ANTXR1: variants seen among roughly 807,000 people sequenced by gnomAD.
ANTXR1 encodes ANTXR cell adhesion molecule 1.
A neutral mutation model predicts 78.1 loss-of-function variants in ANTXR1; 19 were observed. The observed-to-expected ratio is 0.24, with a 90% CI of 0.17 to 0.36. The LOEUF (loss-of-function observed/expected upper bound fraction) is 0.36, where lower values mean the gene tolerates loss of function less well. Among genes scored for constraint, ANTXR1 ranks in the 10% least tolerant of loss-of-function variants. The pLI is 1.00. For synonymous variants in ANTXR1, 273 were observed against 260.5 expected, an observed-to-expected ratio of 1.05 and a Z score of -0.46; for missense variants, 518 against 718.6, an observed-to-expected ratio of 0.72 and a Z score of 3.19.
chr2:69,121,994 T>C (rs562608822), intron 10 of ANTXR1, among the ~76,000 whole-genome samples: 1 of 152,324 alleles, frequency 6.6e-6, no homozygotes, highest in South Asian at 2.1e-4. Context: ...TGATTCACCT[T>C]CTACAGCTAC....
intron 10 of ANTXR1, chr2:69,103,614 T>C: frequency 6.4e-6 from 1 of 157,142 alleles, no homozygotes; most frequent in South Asian, 2.0e-4. Context: ...ACAAGACATT[T>C]GTAGCAGTCA....
intron 17 of ANTXR1, among the ~76,000 whole-genome samples, chr2:69,211,766 A>G (rs2104499071): frequency 6.6e-6 from 1 of 152,330 alleles, no homozygotes; most frequent in East Asian, 1.9e-4. Context: ...TGCGGGACTG[A>G]CTAAGAAGGG....
intron 17 of ANTXR1, among the ~76,000 whole-genome samples, chr2:69,232,485 G>A (rs1675644673): frequency 6.8e-6 from 1 of 147,754 alleles, no homozygotes. Context: ...GCGACAGACC[G>A]AGAGCTTGTC....
chr2:69,208,480 G>C (rs1009578815), intron 17 of ANTXR1, among the ~76,000 whole-genome samples: 1 of 152,080 alleles, frequency 6.6e-6, no homozygotes, highest in African/African-American at 2.4e-5. Flanking sequence ...AAAAAGAATA[G>C]GAAATATTTC....
chr2:69,091,272 T>C (rs569502299), intron 9 of ANTXR1, among the ~76,000 whole-genome samples: 6 of 151,950 alleles, frequency 3.9e-5, no homozygotes, highest in African/African-American at 1.2e-4. Context: ...AAACCCCATC[T>C]CTACTAAAAA....
Position 69,246,606 on chromosome 2 carries a change from T to C in ANTXR1, c.*1121T>C, listed in dbSNP as rs1676027870. 3 of 152,194 alleles carry C rather than the reference T, an allele frequency of 2.0e-5. No homozygotes were observed. The allele number at this position is 152,194 out of a possible 1,614,324, so 9.4% of individuals were successfully genotyped here. ...TAAGGCATGTGTGTGTATACAAATA[T>C]ACTTCTCTTTGGCTTTTCGACATAG... is the stretch of plus-strand genomic sequence containing the variant. On this transcript the variant is annotated 3_prime_UTR_variant, in exon 18 of 18. Coordinates refer to ENST00000303714, the MANE Select transcript of ANTXR1 (RefSeq NM_032208.3).
At chr2:69,145,128 T>G (rs954772576) in intron 12 of ANTXR1, among the ~76,000 whole-genome samples, 1 of 151,992 alleles carries the variant, frequency 6.6e-6, no homozygotes, top group Non-Finnish European at 1.5e-5. Context: ...AAGCCCAGAG[T>G]TAAATAGATT....
At chr2:69,209,882 G>A (rs58985561) in intron 17 of ANTXR1, among the ~76,000 whole-genome samples, 15 of 152,196 alleles carry the variant, frequency 9.9e-5, no homozygotes, top group Non-Finnish European at 1.9e-4. Flanking sequence ...GGCTTAGCAG[G>A]GGGGAGACAA....
chr2:69,078,435 G>T (rs1573849765), intron 8 of ANTXR1, among the ~76,000 whole-genome samples: 1 of 152,136 alleles, frequency 6.6e-6, no homozygotes, highest in Non-Finnish European at 1.5e-5. Context: ...CTTGATCCAG[G>T]GGTTACCGGC....
chr2:69,019,599 TTAAAA>T (rs910769384), intron 1 of ANTXR1, among the ~76,000 whole-genome samples: 29 of 151,380 alleles, frequency 1.9e-4, no homozygotes, highest in Admixed American at 2.6e-4. Context: ...ACCCCTGAAC[TTAAAA>T]TAAAAGATGT....
rs1674297932 is a variant in ANTXR1 at position 69,182,418 on chromosome 2, C to A, written c.1186-75C>A. ...GGTAGCATTCACATTGCAACTCATG[C>A]ATGTATTTGTCATTCTCATTCTCGA... On this transcript the variant is annotated intron_variant, in intron 15 of 17. Transcript: ENST00000303714. The A allele has an allele frequency of 3.3e-6, 5 of 1,532,824 alleles. No homozygotes were observed. In the East Asian group the frequency reaches 9.3e-5, roughly 29 times the overall value. The allele number at this position is 1,532,824 out of a possible 1,614,324, so 95.0% of individuals were successfully genotyped here. A position where few individuals can be genotyped will look rare whatever the true frequency, so the allele number is the denominator to read the frequency against.
In ANTXR1 at chr2:69,122,694, A is replaced by G. The variant is rs1250369574; in HGVS notation, c.803-323A>G. Reference sequence around the variant, plus strand: ...TGTGCCATATTGGTGTGCTGCACCCATTAACTCGTCATTTACATTAGGTAT... The same window carrying G: ...TGTGCCATATTGGTGTGCTGCACCCGTTAACTCGTCATTTACATTAGGTAT... On this transcript the variant is annotated intron_variant, in intron 10 of 17. Coordinates refer to ENST00000303714, the MANE Select transcript of ANTXR1 (RefSeq NM_032208.3). Among the ~76,000 whole-genome samples the G allele has an allele frequency of 2.6e-5, 4 of 152,244 alleles. No homozygotes were observed. In the South Asian group the frequency reaches 8.3e-4, roughly 32 times the overall value.
chr2:69,139,826 C>T (rs1410358607), intron 12 of ANTXR1, among the ~76,000 whole-genome samples: 1 of 152,234 alleles, frequency 6.6e-6, no homozygotes, highest in South Asian at 2.1e-4. Context: ...GCTACATTAA[C>T]GGTAAGTAAA....
At chr2:69,105,144 C>T (rs547503101) in intron 10 of ANTXR1, among the ~76,000 whole-genome samples, 2 of 152,296 alleles carry the variant, frequency 1.3e-5, no homozygotes, top group African/African-American at 2.4e-5. Flanking sequence ...AGTGAGTACT[C>T]GAAGGCCTAT....
At chr2:69,145,923 A>G in intron 12 of ANTXR1, 1 of 985,744 alleles carries the variant, frequency 1.0e-6, no homozygotes, top group South Asian at 4.7e-5. Flanking sequence ...AGATGCTTTC[A>G]TTATTGAAGT....
chr2:69,111,155 G>C (rs924336494), intron 10 of ANTXR1, among the ~76,000 whole-genome samples: 3 of 152,166 alleles, frequency 2.0e-5, no homozygotes, highest in East Asian at 3.8e-4. Context: ...TTTAACATTT[G>C]GTTAGTTCCT....
At chr2:69,231,897 A>G (rs1675606495) in intron 17 of ANTXR1, among the ~76,000 whole-genome samples, 1 of 152,170 alleles carries the variant, frequency 6.6e-6, no homozygotes, top group African/African-American at 2.4e-5. Context: ...ACCGAGATTC[A>G]AGGGAGTAGA....
At chr2:69,171,667 C>T (rs1048358300) in intron 14 of ANTXR1, among the ~76,000 whole-genome samples, 30 of 152,280 alleles carry the variant, frequency 2.0e-4, no homozygotes, top group African/African-American at 6.5e-4. Context: ...CAAAGTGCAC[C>T]TGGGGATGTA....
At chr2:69,042,742 C>A (rs1401546396) in intron 2 of ANTXR1, among the ~76,000 whole-genome samples, 1 of 152,144 alleles carries the variant, frequency 6.6e-6, no homozygotes, top group African/African-American at 2.4e-5. Flanking sequence ...CCCTCCTCCC[C>A]ACCCTTCACC....
Sources: gnomAD v4.1 joint callset for allele counts (sites outside exome capture counted in the v4.1 genomes callset) on GRCh38, gnomAD v4.1.1 for gene constraint, MANE v1.5 for transcripts, NCBI Gene and HGNC (gene_info 2026-07-23, HGNC 2026-07-21) for gene names.